Variants in EYS observed in about 807,000 individuals in gnomAD.
EYS encodes the protein EGF-like photoreceptor maintenance factor.
Under a neutral mutation model 282.1 loss-of-function variants are expected in EYS, and 250 were observed. The ratio of observed to expected loss-of-function variants is 0.89; its 90% CI spans 0.80 to 0.98. The LOEUF (loss-of-function observed/expected upper bound fraction) is 0.98. Ranked by LOEUF, EYS falls within the 50% of genes least tolerant of loss-of-function variation. The pLI is 0.00. For missense variants in EYS, 4,016 were observed against 3,709.0 expected (o/e 1.08, Z -2.15); for synonymous variants, 1,355 against 1,282.9 (o/e 1.06, Z -1.20).
intron 26 of EYS, among the ~76,000 whole-genome samples, chr6:64,466,962 C>T (rs898023898): frequency 1.5e-4 from 23 of 151,898 alleles, no homozygotes; most frequent in African/African-American, 4.1e-4. Context: ...TCAGAAACAG[C>T]GAGAAGACAT....
At chr6:65,415,506 G>T (rs1767196688) in intron 5 of EYS, among the ~76,000 whole-genome samples, 1 of 151,976 alleles carries the variant, frequency 6.6e-6, no homozygotes, top group Non-Finnish European at 1.5e-5. Context: ...AAAGAAAATT[G>T]ATAATGAATG....
intron 12 of EYS, among the ~76,000 whole-genome samples, chr6:65,095,707 A>G (rs1461083025): frequency 6.6e-6 from 1 of 150,788 alleles, no homozygotes; most frequent in Non-Finnish European, 1.5e-5. Context: ...TCACATGATC[A>G]TTTCATTAGA....
chr6:65,387,423 T>C (rs1312449888), intron 7 of EYS, among the ~76,000 whole-genome samples: 1 of 151,898 alleles, frequency 6.6e-6, no homozygotes, highest in Non-Finnish European at 1.5e-5. Context: ...ATTTACTACA[T>C]TTTAAATAGG....
At chr6:64,255,372 T>C (rs939445780) in intron 30 of EYS, among the ~76,000 whole-genome samples, 3 of 152,108 alleles carry the variant, frequency 2.0e-5, no homozygotes, top group African/African-American at 7.2e-5. Context: ...CATCTTTCTT[T>C]TCTTCCTAGG....
intron 12 of EYS, among the ~76,000 whole-genome samples, chr6:65,110,515 T>C (rs1407893791): frequency 3.3e-5 from 5 of 152,068 alleles, no homozygotes; most frequent in Non-Finnish European, 5.9e-5. Flanking sequence ...TCTTGAAAAA[T>C]GACAAGATGT....
intron 12 of EYS, among the ~76,000 whole-genome samples, chr6:65,152,077 G>A (rs1764623907): frequency 6.6e-6 from 1 of 151,826 alleles, no homozygotes; most frequent in East Asian, 1.9e-4. Flanking sequence ...AAAAGGCCAC[G>A]AACCAGCATA....
intron 22 of EYS, among the ~76,000 whole-genome samples, chr6:64,759,247 C>A (rs1054258306): frequency 1.8e-4 from 28 of 152,100 alleles, no homozygotes; most frequent in Non-Finnish European, 3.2e-4. Flanking sequence ...TTGTTTCAAG[C>A]GAGACATTCC....
Position 65,240,764 on chromosome 6 carries a change from T to C in EYS, c.2023+55099A>G, listed in dbSNP as rs145575445. On this transcript the variant is annotated intron_variant, in intron 12 of 42. Transcript: ENST00000503581. ...GAACATACAATTGCATGTGTCTTTT[T>C]AGTAGAACAATTTATTTTCCTTTGG... 5.2e-3 allele frequency among the ~76,000 whole-genome samples: 789 copies of C among 152,340 alleles called. 6 individuals carry two copies. Among genetic ancestry groups the C allele is most frequent in the African/African-American group, 0.018 (757 of 41,578 alleles).
chr6:64,881,607 T>C (rs1179736590), intron 19 of EYS, among the ~76,000 whole-genome samples: 4 of 151,836 alleles, frequency 2.6e-5, no homozygotes, highest in Admixed American at 6.6e-5. Flanking sequence ...TTCTCTGTTA[T>C]GTTCACCAGA....
chr6:64,226,082 T>C (rs563335084), intron 31 of EYS, among the ~76,000 whole-genome samples: 9 of 152,298 alleles, frequency 5.9e-5, no homozygotes, highest in African/African-American at 2.2e-4. Flanking sequence ...TAAATCTCTG[T>C]TGTAAGAACT....
At position 65,264,407 on chromosome 6, in the gene EYS, T is replaced by G. The variant is rs151075210; in HGVS notation, c.2023+31456A>C. ...TAAACATGCAGAGAATGAGACTGGA[T>G]TTTTAAAAATAGCCAGAATTTTGAT... On this transcript the variant is annotated intron_variant, in intron 12 of 42. Transcript: ENST00000503581. 1.5e-4 allele frequency among the ~76,000 whole-genome samples: 23 copies of G among 152,234 alleles called. 1 individual carries two copies. The highest frequency in any genetic ancestry group is 5.1e-4 in the African/African-American group (21 of 41,556).
intron 26 of EYS, among the ~76,000 whole-genome samples, chr6:64,567,782 T>A (rs1352891271): frequency 2.0e-5 from 3 of 152,122 alleles, no homozygotes; most frequent in African/African-American, 7.2e-5. Flanking sequence ...TTAAGAGCAA[T>A]AAAAAATAAA....
chr6:63,955,036 T>G (rs1401554569), intron 35 of EYS, among the ~76,000 whole-genome samples: 1 of 152,232 alleles, frequency 6.6e-6, no homozygotes, highest in Non-Finnish European at 1.5e-5. Flanking sequence ...AAATTGACTT[T>G]ACTCACATGT....
At chr6:64,834,680 T>C (rs1765329222) in intron 19 of EYS, among the ~76,000 whole-genome samples, 2 of 151,870 alleles carry the variant, frequency 1.3e-5, no homozygotes, top group Admixed American at 6.6e-5. Context: ...ACCTAATTCA[T>C]AGTTTGATAA....
chr6:64,106,496 T>C (rs1173486198), intron 31 of EYS, among the ~76,000 whole-genome samples: 1 of 152,156 alleles, frequency 6.6e-6, no homozygotes, highest in Non-Finnish European at 1.5e-5. Context: ...TTGCATGGTA[T>C]CTGAGGAGAA....
chr6:65,664,351 T>C lies in EYS; in HGVS notation c.-447-24459A>G, dbSNP rs995175808. On this transcript the variant is annotated intron_variant, in intron 1 of 42. Coordinates refer to ENST00000503581, the MANE Select transcript of EYS (RefSeq NM_001142800.2). ...GGTCATTAGGGTTCAAGAAGTGTTATGGAAATGAAGGGAGTAAAGAAAAGA... is the reference window on the plus strand; with the variant it reads ...GGTCATTAGGGTTCAAGAAGTGTTACGGAAATGAAGGGAGTAAAGAAAAGA... Among the ~76,000 whole-genome samples, 20 of 151,896 alleles carry C rather than the reference T, an allele frequency of 1.3e-4. No homozygotes were observed. The East Asian group carries it at 2.3e-3, about 18-fold the overall frequency.
At chr6:64,604,827 C>T (rs1406462298) in intron 24 of EYS, among the ~76,000 whole-genome samples, 1 of 151,950 alleles carries the variant, frequency 6.6e-6, no homozygotes, top group Non-Finnish European at 1.5e-5. Flanking sequence ...GAAAGCATAG[C>T]TCAGGGGAGA....
rs57311118 is a variant in EYS, at chr6:65,582,029, A to T, written c.-333+57749T>A. 5.7e-3 allele frequency among the ~76,000 whole-genome samples: 854 copies of T among 150,226 alleles called. 4 individuals are homozygous for T. Among genetic ancestry groups the T allele is most frequent in the African/African-American group, 0.019 (788 of 40,992 alleles). On this transcript the variant is annotated intron_variant, in intron 2 of 42. Coordinates refer to ENST00000503581, the MANE Select transcript of EYS (RefSeq NM_001142800.2). ...ATGGTGAAAACCTGTTTCTACTAAA[A>T]ATATATATATATATAAATTAGCCAA...
At chr6:65,157,861 TTA>T (rs939417643) in intron 12 of EYS, among the ~76,000 whole-genome samples, 4 of 150,750 alleles carry the variant, frequency 2.7e-5, no homozygotes, top group Non-Finnish European at 4.5e-5. Flanking sequence ...ACCATTATAT[TTA>T]TATGTCATTA....
Sources: gnomAD v4.1 joint callset for allele counts (sites outside exome capture counted in the v4.1 genomes callset) on GRCh38, gnomAD v4.1.1 for gene constraint, MANE v1.5 for transcripts, NCBI Gene and HGNC (gene_info 2026-07-23, HGNC 2026-07-21) for gene names.